PCIF1: variants seen among roughly 807,000 people sequenced by gnomAD.
PCIF1 encodes the protein mRNA (2'-O-methyladenosine-N(6)-)-methyltransferase.
PCIF1 carries 12 observed loss-of-function variants against 86.9 expected under a neutral mutation model. The ratio of observed to expected loss-of-function variants is 0.14; its 90% CI spans 0.09 to 0.22. The LOEUF (loss-of-function observed/expected upper bound fraction) is 0.22, where lower values mean the gene tolerates loss of function less well. PCIF1 is among the 10% of genes least tolerant of loss of function. The pLI, the probability that PCIF1 is intolerant of heterozygous loss-of-function variation, is 1.00. For missense variants in PCIF1, 701 were observed against 951.1 expected (o/e 0.74, Z 3.46); for synonymous variants, 397 against 372.0 (o/e 1.07, Z -0.77).
intron 4 of PCIF1, among the ~76,000 whole-genome samples, chr20:45,940,046 C>T (rs1043717792): frequency 6.6e-6 from 1 of 152,236 alleles, no homozygotes; most frequent in Non-Finnish European, 1.5e-5. Flanking sequence ...ACCATGCATT[C>T]TCTCAGTGTT....
chr20:45,942,674 G>T (rs998973353), intron 7 of PCIF1, among the ~76,000 whole-genome samples: 1 of 151,148 alleles, frequency 6.6e-6, no homozygotes, highest in African/African-American at 2.4e-5. Context: ...GGGTGCAGTG[G>T]CACGACCACA....
Position 45,943,419 on chromosome 20 carries a change from T to A in PCIF1, c.901T>A (p.Ser301Thr). 6.2e-7 allele frequency: 1 copy of A among 1,612,700 alleles called. No individual in the cohort carries two copies. The highest frequency in any genetic ancestry group is 8.5e-7 in the Non-Finnish European group (1 of 1,179,770). Residue 301 changes from serine to threonine, a missense_variant, in exon 9 of 17, where the codon TCC (serine) becomes ACC (threonine). Physicochemically the swap from Ser to Thr is moderately conservative, Grantham distance 58. This residue lies in a region of PCIF1 where 129 missense variants were observed against 245.9 expected (regional missense o/e 0.52). Coordinates refer to ENST00000372409, the MANE Select transcript of PCIF1 (RefSeq NM_022104.4). The surrounding 1 kb of genome is among the most constrained non-coding windows in gnomAD (Gnocchi z 5.5). ...YAEAARRLIE[S>T]RSASPDSRKV... ...GGAGGCCGCCAGGCGGCTCATCGAG[T>A]CCAGGTTTGCCTGTCTTCTGCCCCA...
In PCIF1 at chr20:45,940,803, C is replaced by A; in HGVS notation, c.388-6C>A. The A allele has an allele frequency of 6.2e-7, 1 of 1,612,158 alleles. No individual in the cohort carries two copies. Among genetic ancestry groups the A allele is most frequent in the Non-Finnish European group, 8.5e-7 (1 of 1,178,664 alleles). ...TGACTTGACACCTTTGTGACTTTCA[C>A]TACAGATTGAAATCCCAGTGACACC... is the stretch of plus-strand genomic sequence containing the variant. On this transcript the variant is annotated splice_region_variant and splice_polypyrimidine_tract_variant and intron_variant, in intron 5 of 16. Transcript: ENST00000372409.
In PCIF1 at chr20:45,947,833, A is replaced by G. The variant is rs186707406; in HGVS notation, c.*78A>G. On this transcript the variant is annotated 3_prime_UTR_variant, in exon 17 of 17. Coordinates refer to ENST00000372409, the MANE Select transcript of PCIF1 (RefSeq NM_022104.4). The surrounding 1 kb of genome is among the most constrained non-coding windows in gnomAD (Gnocchi z 5.4). ...CTCGGGCCCCTGGGGCCTCAGAGGG[A>G]CCCCGGCTGCCACTGACATATGAAG... 2 of 1,521,214 alleles carry G rather than the reference A, an allele frequency of 1.3e-6. No individual in the cohort carries two copies. The highest frequency in any genetic ancestry group is 1.4e-5 in the African/African-American group (1 of 70,728). 94.2% of individuals were successfully genotyped at this position (1,521,214 alleles called of 1,614,324 possible). A position where few individuals can be genotyped will look rare whatever the true frequency, so the allele number is the denominator to read the frequency against.
At position 45,935,775 on chromosome 20, in the gene PCIF1, G is replaced by A. The variant is rs143499525; in HGVS notation, c.-188+971G>A. The stretch of plus-strand genomic sequence containing the variant: ...ACAAATTCTTGTGTGCCTCACCTCC[G>A]TATTTATTTCTGGCTTCTGAGATGC... On this transcript the variant is annotated intron_variant, in intron 1 of 16. Coordinates refer to ENST00000372409, the MANE Select transcript of PCIF1 (RefSeq NM_022104.4). Among the ~76,000 whole-genome samples, 296 of 151,648 alleles carry A rather than the reference G, an allele frequency of 2.0e-3. 3 individuals are homozygous for A. In the East Asian group the frequency reaches 0.031, roughly 16 times the overall value.
chr20:45,939,018 G>C lies in PCIF1; in HGVS notation c.19G>C (p.Gly7Arg). Reference protein sequence around the residue: MANENHGSPREEASLLS... With the variant: MANENHRSPREEASLLS... The stretch of plus-strand genomic sequence containing the variant: ...TGTGGAGATGGCCAATGAGAATCAC[G>C]GCAGCCCCCGGGAGGAAGCGTCCCT... The change falls in exon 3 of 17, where the codon GGC (glycine) becomes CGC (arginine). Residue 7 changes from glycine to arginine, a missense_variant. Physicochemically the swap from Gly to Arg is moderately radical, Grantham distance 125. Around this residue, in one of 7 missense-constraint regions of PCIF1, gnomAD observed 60 missense variants for 58.6 expected, o/e 1.02. Transcript: ENST00000372409. 1.2e-6 allele frequency: 2 copies of C among 1,614,014 alleles called. No homozygotes were observed. The highest frequency in any genetic ancestry group is 4.5e-5 in the East Asian group (2 of 44,880).
In PCIF1 at chr20:45,943,143, C is replaced by T. The variant is rs1166419664; in HGVS notation, c.720C>T (p.Arg240=). The T allele has an allele frequency of 6.2e-7, 1 of 1,613,968 alleles. No individual in the cohort carries two copies. The highest frequency in any genetic ancestry group is 8.5e-7 in the Non-Finnish European group (1 of 1,180,016). Residue 240 remains arginine (R), a synonymous_variant, in exon 8 of 17, where the codon CGC becomes CGT. Coordinates refer to ENST00000372409, the MANE Select transcript of PCIF1 (RefSeq NM_022104.4). This position sits in a 1 kb window ranked among gnomAD's most constrained non-coding sequence, Gnocchi z 5.5. ...RESFNRWMLE[R]KVVDKGSDPL... is the part of the protein sequence containing the mutation. ...CTTTCAACCGCTGGATGCTGGAGCG[C>T]AAGGTGGTAGACAAAGGATCTGACC...
intron 1 of PCIF1, among the ~76,000 whole-genome samples, chr20:45,937,083 C>T (rs1009572872): frequency 1.3e-5 from 2 of 152,194 alleles, no homozygotes; most frequent in African/African-American, 2.4e-5. Flanking sequence ...GGACTGGCTA[C>T]AGAGTTTGTG....
intron 7 of PCIF1, among the ~76,000 whole-genome samples, chr20:45,941,805 T>G (rs1362881892): frequency 6.6e-6 from 1 of 151,858 alleles, no homozygotes; most frequent in Admixed American, 6.6e-5. Flanking sequence ...CAGGCTGGTC[T>G]TGTACTCCTG....
chr20:45,937,868 C>G (rs150287436), intron 2 of PCIF1: 1 of 305,196 alleles, frequency 3.3e-6, no homozygotes, highest in East Asian at 5.1e-5. Flanking sequence ...ATCAGTGTCC[C>G]AATGATTCGT....
In PCIF1 at chr20:45,935,630, T is replaced by C. The variant is rs1177043123; in HGVS notation, c.-188+826T>C. Among the ~76,000 whole-genome samples the C allele has an allele frequency of 3.3e-5, 5 of 152,260 alleles. No individual in the cohort carries two copies. In the East Asian group the frequency reaches 7.7e-4, roughly 23 times the overall value. ...TACTTCGGCCACAGACCTGCTGCGC[T>C]CAAGTCACATAGGAAATTAAAAATG... On this transcript the variant is annotated intron_variant, in intron 1 of 16. Coordinates refer to ENST00000372409, the MANE Select transcript of PCIF1 (RefSeq NM_022104.4).
intron 2 of PCIF1, among the ~76,000 whole-genome samples, chr20:45,938,515 C>T (rs1473975708): frequency 1.3e-5 from 2 of 152,188 alleles, no homozygotes; most frequent in Non-Finnish European, 2.9e-5. Flanking sequence ...AGTAGTGCTC[C>T]TGTTGGGTCC....
chr20:45,944,486 A>G (rs1162855965), intron 10 of PCIF1, among the ~76,000 whole-genome samples: 3 of 152,204 alleles, frequency 2.0e-5, no homozygotes, highest in East Asian at 1.9e-4. Context: ...TCTTTCCCCA[A>G]TAGACTGCAA....
At chr20:45,942,390 C>G (rs1476550980) in intron 7 of PCIF1, among the ~76,000 whole-genome samples, 1 of 149,950 alleles carries the variant, frequency 6.7e-6, no homozygotes, top group African/African-American at 2.5e-5. Flanking sequence ...TCTCGGCTCA[C>G]TGCAACCTCT....
chr20:45,936,519 C>T (rs997376975), intron 1 of PCIF1, among the ~76,000 whole-genome samples: 1 of 150,244 alleles, frequency 6.7e-6, no homozygotes, highest in Non-Finnish European at 1.5e-5. Flanking sequence ...GAGGTCTTGC[C>T]CTGTCACCCA....
chr20:45,941,476 T>C (rs1271770602), intron 7 of PCIF1, among the ~76,000 whole-genome samples: 1 of 152,232 alleles, frequency 6.6e-6, no homozygotes, highest in Non-Finnish European at 1.5e-5. Flanking sequence ...TTTTTTGAGA[T>C]GGAGTCTTGT....
intron 1 of PCIF1, among the ~76,000 whole-genome samples, chr20:45,937,137 G>A (rs76311602): frequency 0.014 from 2,093 of 152,280 alleles, 51 homozygotes; most frequent in African/African-American, 0.048. Flanking sequence ...TTGTTAAAAA[G>A]TTATTAAAAA....
chr20:45,942,678 G>A (rs58749629), intron 7 of PCIF1, among the ~76,000 whole-genome samples: 20,205 of 150,248 alleles, frequency 0.13, 1,407 homozygotes, highest in Middle Eastern at 0.17. Flanking sequence ...GCAGTGGCAC[G>A]ACCACAGCTC....
At chr20:45,944,787 C>T (rs2083505740) in intron 10 of PCIF1, 81 bp from the exon 11 acceptor site, 26 of 1,481,606 alleles carry the variant, frequency 1.8e-5, no homozygotes, top group Non-Finnish European at 2.4e-5. Context: ...TGCTGGACTC[C>T]AACAGCCCTG....
Sources: allele counts gnomAD v4.1 joint callset (sites outside exome capture counted in the v4.1 genomes callset), GRCh38; gene constraint gnomAD v4.1.1; regional missense constraint gnomAD v4.1.1; non-coding constraint Gnocchi (gnomAD v3.1); transcripts MANE v1.5; gene names NCBI Gene and HGNC (gene_info 2026-07-23, HGNC 2026-07-21).